The following RASA2 variants were observed in gnomAD, a reference collection of about 807,000 sequenced individuals.
The protein encoded by RASA2 is ras GTPase-activating protein 2.
Under a neutral mutation model 118.2 loss-of-function variants are expected in RASA2, and 155 were observed. The observed-to-expected ratio is 1.31, with a 90% CI of 1.15 to 1.50. RASA2 has a LOEUF of 1.50. Ranked by LOEUF, RASA2 falls within the 40% of genes most tolerant of loss-of-function variation. The pLI is 0.00. For synonymous variants in RASA2, 353 were observed against 349.1 expected (o/e 1.01, Z -0.12); for missense variants, 1,016 against 1,009.6 (o/e 1.01, Z -0.09).
At chr3:141,526,568 C>T (rs986666310) in intron 3 of RASA2, among the ~76,000 whole-genome samples, 1 of 152,066 alleles carries the variant, frequency 6.6e-6, no homozygotes, top group Non-Finnish European at 1.5e-5. Flanking sequence ...AGGTATCCTG[C>T]TACCTATTAA....
At chr3:141,552,113 G>A (rs1201299333) in intron 5 of RASA2, among the ~76,000 whole-genome samples, 1 of 152,122 alleles carries the variant, frequency 6.6e-6, no homozygotes, top group Non-Finnish European at 1.5e-5. Flanking sequence ...GATGATTTCT[G>A]TAGGGTGCAC....
chr3:141,517,622 A>G (rs1577670769), intron 3 of RASA2, among the ~76,000 whole-genome samples: 1 of 152,192 alleles, frequency 6.6e-6, no homozygotes, highest in East Asian at 1.9e-4. Context: ...TCGTGGGGAC[A>G]CAGAGTCAAA....
At chr3:141,487,347 C>G in intron 1 of RASA2, 131 bp downstream of exon 1, 6 of 1,081,436 alleles carry the variant, frequency 5.5e-6, no homozygotes, top group Middle Eastern at 3.9e-4. Flanking sequence ...CTGGGCCGGG[C>G]GCGGTTGAGG....
chr3:141,539,680 AC>A (rs1560017953), intron 4 of RASA2, among the ~76,000 whole-genome samples: 1 of 152,138 alleles, frequency 6.6e-6, no homozygotes, highest in Admixed American at 6.5e-5. Context: ...GTAATCCAGT[AC>A]TGTTTCTTAA....
chr3:141,565,626 T>G (rs962588488), intron 9 of RASA2, among the ~76,000 whole-genome samples: 2 of 152,206 alleles, frequency 1.3e-5, no homozygotes, highest in Non-Finnish European at 2.9e-5. Flanking sequence ...CTGCCGCATG[T>G]AAGACGTCCC....
At chr3:141,533,811 T>G (rs2151097193) in intron 4 of RASA2, among the ~76,000 whole-genome samples, 1 of 152,336 alleles carries the variant, frequency 6.6e-6, no homozygotes, top group Non-Finnish European at 1.5e-5. Flanking sequence ...AACCATTTTT[T>G]TCCTCAACCT....
chr3:141,579,248 G>A (rs994656435), intron 15 of RASA2, among the ~76,000 whole-genome samples: 4 of 152,106 alleles, frequency 2.6e-5, no homozygotes, highest in Non-Finnish European at 1.5e-5. Flanking sequence ...AATAAAAATG[G>A]TCTGTGTTTT....
intron 14 of RASA2, among the ~76,000 whole-genome samples, chr3:141,576,390 A>G (rs2083012584): frequency 6.6e-6 from 1 of 152,278 alleles, no homozygotes. Flanking sequence ...TTCCCTCACC[A>G]TCTGCTTCAC....
rs186078627 is a variant in RASA2, at chr3:141,585,686, G to A, written c.1753-339G>A. ...ATGGTGGCACATGCCTGTAATCCCA[G>A]CTACTTGGGAAGCTGAGGCATGAGA... On this transcript the variant is annotated intron_variant, in intron 17 of 23. Transcript: ENST00000286364. 1.7e-3 allele frequency among the ~76,000 whole-genome samples: 262 copies of A among 152,208 alleles called. 1 individual carries two copies. The highest frequency in any genetic ancestry group is 6.0e-3 in the African/African-American group (251 of 41,540).
chr3:141,598,341 G>T (rs2083407814), intron 19 of RASA2, among the ~76,000 whole-genome samples: 1 of 152,128 alleles, frequency 6.6e-6, no homozygotes, highest in Admixed American at 6.5e-5. Flanking sequence ...TAATATCTGA[G>T]AACTAATCAA....
chr3:141,530,774 T>C (rs528115379), intron 4 of RASA2, among the ~76,000 whole-genome samples: 49 of 152,174 alleles, frequency 3.2e-4, no homozygotes, highest in Non-Finnish European at 5.9e-4. Flanking sequence ...TTTTCCTGTT[T>C]AACCTACTTT....
chr3:141,561,286 G>C (rs541013697), intron 9 of RASA2, among the ~76,000 whole-genome samples: 3 of 152,108 alleles, frequency 2.0e-5, no homozygotes, highest in African/African-American at 7.2e-5. Flanking sequence ...TAGTGCCTCC[G>C]GGTCCCTCAA....
rs181981085 is a variant in RASA2, at chr3:141,563,080, T to C, written c.863+3085T>C. 3.0e-4 allele frequency among the ~76,000 whole-genome samples: 46 copies of C among 152,336 alleles called. No homozygotes were observed. The East Asian group carries it at 8.1e-3, about 27-fold the overall frequency. ...ACCTCAATTTTAATTACACAGACCC[T>C]ATGGTTAGAATTGTTTAAATGCTGA... On this transcript the variant is annotated intron_variant, in intron 9 of 23. Transcript: ENST00000286364.
rs766957095 is a variant in RASA2 at position 141,609,896 on chromosome 3, A to C, written c.2349A>C (p.Ala783=). ...QKMEEACGTI[A]VYQGPQKEPD... Reference sequence around the variant, plus strand: ...TTGTAGAGGCTTGTGGAACTATTGCAGTCTATCAAGGACCACAGAAAGAGC... The same window carrying C: ...TTGTAGAGGCTTGTGGAACTATTGCCGTCTATCAAGGACCACAGAAAGAGC... Residue 783 remains alanine (A), a synonymous_variant, in exon 23 of 24, where the codon GCA becomes GCC. Coordinates refer to ENST00000286364, the MANE Select transcript of RASA2 (RefSeq NM_006506.5). 2 of 1,577,886 alleles carry C rather than the reference A, an allele frequency of 1.3e-6. No individual in the cohort carries two copies. Among genetic ancestry groups the C allele is most frequent in the South Asian group, 1.2e-5 (1 of 83,326 alleles).
intron 1 of RASA2, among the ~76,000 whole-genome samples, chr3:141,502,665 T>C (rs1327562320): frequency 6.6e-6 from 1 of 152,140 alleles, no homozygotes; most frequent in Non-Finnish European, 1.5e-5. Flanking sequence ...AGTAAAATAA[T>C]ATATATGAAG....
intron 18 of RASA2, 38 bp downstream of exon 18, chr3:141,586,136 G>A: frequency 1.3e-6 from 2 of 1,517,690 alleles, no homozygotes; most frequent in Non-Finnish European, 9.1e-7. Context: ...TCATATATCA[G>A]TATAGATATT....
intron 23 of RASA2, among the ~76,000 whole-genome samples, chr3:141,611,858 T>C (rs2083657293): frequency 6.6e-6 from 1 of 152,162 alleles, no homozygotes; most frequent in African/African-American, 2.4e-5. Context: ...ACAGTAGTAA[T>C]CCAGTTTCCT....
chr3:141,533,739 CT>C lies in RASA2; in HGVS notation c.450+3946del, dbSNP rs200148816. ...AACATTTCATGAGTGTATTTTTCTA[CT>C]TTTTTTTTGTATTTAGATTTTGGCT... On this transcript the variant is annotated intron_variant, in intron 4 of 23. Coordinates refer to ENST00000286364, the MANE Select transcript of RASA2 (RefSeq NM_006506.5). Among the ~76,000 whole-genome samples, 923 of 151,278 alleles carry C rather than the reference CT, an allele frequency of 6.1e-3. 6 individuals are homozygous for C. The highest frequency in any genetic ancestry group is 0.011 in the Non-Finnish European group (746 of 67,710).
At chr3:141,557,413 C>T (rs916554873) in intron 7 of RASA2, among the ~76,000 whole-genome samples, 5 of 152,076 alleles carry the variant, frequency 3.3e-5, no homozygotes, top group Non-Finnish European at 4.4e-5. Flanking sequence ...TTAGAGATGA[C>T]GAACATTTTG....
Sources: gnomAD v4.1 joint callset for allele counts (sites outside exome capture counted in the v4.1 genomes callset) on GRCh38, gnomAD v4.1.1 for gene constraint, MANE v1.5 for transcripts, NCBI Gene and HGNC (gene_info 2026-07-23, HGNC 2026-07-21) for gene names.